TBC1D5: variants seen among roughly 807,000 people sequenced by gnomAD.
TBC1D5 encodes the protein TBC1 domain family, member 5.
In TBC1D5, 75 loss-of-function variants were observed where a neutral mutation model predicts 100.3. That is an observed-to-expected ratio of 0.75 (90% confidence interval 0.62 to 0.91). The LOEUF (loss-of-function observed/expected upper bound fraction) is 0.91, where lower values mean the gene tolerates loss of function less well. Ranked by LOEUF, TBC1D5 falls within the 40% of genes least tolerant of loss-of-function variation. TBC1D5 has a pLI of 0.00. For synonymous variants in TBC1D5, 323 were observed against 325.6 expected (o/e 0.99, Z 0.09); for missense variants, 910 against 942.4 (o/e 0.97, Z 0.45).
chr3:17,184,951 G>T (rs2068845881), intron 19 of TBC1D5, 158 bp downstream of exon 20: 1 of 490,608 alleles, frequency 2.0e-6, no homozygotes, highest in South Asian at 4.9e-5. Flanking sequence ...ATATAATGTA[G>T]AGAGTGAGAG....
chr3:17,407,536 G>A (rs17043578), intron 4 of TBC1D5, among the ~76,000 whole-genome samples: 13,875 of 152,072 alleles, frequency 0.091, 1,430 homozygotes, highest in African/African-American at 0.26. Context: ...TCATTCTTCC[G>A]TTACACACAT....
At chr3:17,535,311 A>C (rs573180503) in intron 2 of TBC1D5, among the ~76,000 whole-genome samples, 1 of 152,216 alleles carries the variant, frequency 6.6e-6, no homozygotes. Flanking sequence ...ATGTTAGTGT[A>C]GTTGGTACAA....
chr3:17,674,103 T>G (rs945417508), intron 1 of TBC1D5, among the ~76,000 whole-genome samples: 1 of 151,978 alleles, frequency 6.6e-6, no homozygotes, highest in Non-Finnish European at 1.5e-5. Flanking sequence ...CTTCTACATA[T>G]TTGAAAAAAA....
intron 13 of TBC1D5, among the ~76,000 whole-genome samples, chr3:17,350,545 T>C (rs775104262): frequency 2.0e-5 from 3 of 152,228 alleles, no homozygotes; most frequent in Non-Finnish European, 4.4e-5. Flanking sequence ...TCTCCTTTTT[T>C]ACAATCATGT....
At chr3:17,656,549 TC>T in intron 1 of TBC1D5, among the ~76,000 whole-genome samples, 1 of 152,236 alleles carries the variant, frequency 6.6e-6, no homozygotes, top group Non-Finnish European at 1.5e-5. Context: ...GTTCTCAGAT[TC>T]CCATGAAAGC....
At chr3:17,461,458 T>C (rs954869360) in intron 3 of TBC1D5, among the ~76,000 whole-genome samples, 1 of 152,206 alleles carries the variant, frequency 6.6e-6, no homozygotes, top group Non-Finnish European at 1.5e-5. Context: ...CTTATATTAC[T>C]TTTCATTTGC....
At chr3:17,676,749 C>T (rs1303458414) in intron 1 of TBC1D5, among the ~76,000 whole-genome samples, 9 of 152,190 alleles carry the variant, frequency 5.9e-5, no homozygotes, top group African/African-American at 2.2e-4. Context: ...TGACTTCAAA[C>T]TATACTACAA....
chr3:17,675,223 C>G (rs962682960), intron 1 of TBC1D5, among the ~76,000 whole-genome samples: 3 of 151,882 alleles, frequency 2.0e-5, no homozygotes, highest in East Asian at 1.9e-4. Flanking sequence ...GCTACCAAGA[C>G]AGATTATTAA....
At chr3:17,303,194 C>T (rs929993653) in intron 14 of TBC1D5, among the ~76,000 whole-genome samples, 4 of 152,234 alleles carry the variant, frequency 2.6e-5, no homozygotes, top group Non-Finnish European at 5.9e-5. Flanking sequence ...TCACTGCTGC[C>T]TCTGCAACCT....
At chr3:17,534,093 G>A (rs2096260817) in intron 2 of TBC1D5, among the ~76,000 whole-genome samples, 1 of 152,082 alleles carries the variant, frequency 6.6e-6, no homozygotes, top group South Asian at 2.1e-4. Flanking sequence ...CAAAGAAATA[G>A]ATCAAGAAAG....
chr3:17,508,836 C>A (rs1177046495), intron 2 of TBC1D5, among the ~76,000 whole-genome samples: 1 of 152,052 alleles, frequency 6.6e-6, no homozygotes, highest in Non-Finnish European at 1.5e-5. Flanking sequence ...TAATCTTTAT[C>A]TTAATTTTGA....
At chr3:17,733,860 A>T (rs927342888) in intron 1 of TBC1D5, among the ~76,000 whole-genome samples, 2 of 152,184 alleles carry the variant, frequency 1.3e-5, no homozygotes, top group African/African-American at 4.8e-5. Flanking sequence ...TAAATAACAG[A>T]TTCAAAAAGC....
chr3:17,449,034 A>C (rs1003308804), intron 3 of TBC1D5, among the ~76,000 whole-genome samples: 15 of 152,108 alleles, frequency 9.9e-5, no homozygotes, highest in African/African-American at 3.6e-4. Context: ...CAACTGCGGT[A>C]CCCTTCTCAT....
chr3:17,532,992 TA>T (rs530910585), intron 2 of TBC1D5, among the ~76,000 whole-genome samples: 60 of 140,770 alleles, frequency 4.3e-4, no homozygotes, highest in East Asian at 1.2e-3. Flanking sequence ...ATAATAAAAT[TA>T]AAAAAAAAAA....
At chr3:17,623,811 G>A (rs1339218566) in intron 2 of TBC1D5, 38 bp downstream of exon 2, 1 of 152,062 alleles carries the variant, frequency 6.6e-6, no homozygotes, top group Non-Finnish European at 1.5e-5. Context: ...GGGCATACAT[G>A]ACAGCTGATC....
chr3:17,324,249 A>G (rs1280949319), intron 13 of TBC1D5, among the ~76,000 whole-genome samples: 1 of 152,250 alleles, frequency 6.6e-6, no homozygotes, highest in African/African-American at 2.4e-5. Context: ...TGACACTGAT[A>G]GGTAAAGATT....
intron 13 of TBC1D5, among the ~76,000 whole-genome samples, chr3:17,358,829 G>A (rs1000926670): frequency 4.0e-5 from 6 of 151,554 alleles, no homozygotes; most frequent in Non-Finnish European, 8.8e-5. Context: ...ACAATTTAAG[G>A]CATAATAAGA....
intron 17 of TBC1D5, among the ~76,000 whole-genome samples, chr3:17,227,852 G>GTTT (rs34995201): frequency 1.4e-5 from 2 of 139,100 alleles, no homozygotes; most frequent in Admixed American, 7.2e-5. Flanking sequence ...TAAAATAAAA[G>GTTT]TTTTTTTTTT....
At chr3:17,431,626 T>G (rs1223420668) in intron 3 of TBC1D5, among the ~76,000 whole-genome samples, 3 of 152,024 alleles carry the variant, frequency 2.0e-5, no homozygotes, top group Non-Finnish European at 2.9e-5. Flanking sequence ...TCTCATTAAT[T>G]GGTATGCAAC....
Sources: allele counts gnomAD v4.1 joint callset (sites outside exome capture counted in the v4.1 genomes callset), GRCh38; gene constraint gnomAD v4.1.1; transcripts MANE v1.5; gene names NCBI Gene and HGNC (gene_info 2026-07-23, HGNC 2026-07-21).